The following PHKB variants were observed in gnomAD, a reference collection of about 807,000 sequenced individuals.
The protein encoded by PHKB is phosphorylase b kinase regulatory subunit beta.
A neutral mutation model predicts 152.1 loss-of-function variants in PHKB; 122 were observed. The observed-to-expected ratio is 0.80, with a 90% CI of 0.69 to 0.93. The LOEUF is 0.93. Ranked by LOEUF, PHKB falls within the 40% of genes least tolerant of loss-of-function variation. The probability of loss-of-function intolerance (pLI) is 0.00; values close to 1 mark genes in which losing one functional copy is unlikely to be tolerated. For missense variants in PHKB, 1,304 were observed against 1,328.4 expected (o/e 0.98, Z 0.29); for synonymous variants, 436 against 464.9 (o/e 0.94, Z 0.80).
chr16:47,660,700 C>T lies in PHKB; in HGVS notation c.2077C>T (p.His693Tyr), dbSNP rs939437583. Residue 693 changes from histidine (H) to tyrosine (Y), a missense_variant, in exon 22 of 31, where the codon CAT (histidine) becomes TAT (tyrosine). Transcript: ENST00000323584. ...TTTTGAGGAACTAGAACCTCCCAAA[C>T]ATTCAAAAGTCAAACGGCAAAGCAG... ...KSFEELEPPKHSKVKRQSSTP... is the reference protein window; with the variant it reads ...KSFEELEPPKYSKVKRQSSTP... The T allele has an allele frequency of 2.5e-6, 4 of 1,614,004 alleles. No homozygotes were observed. Among genetic ancestry groups the T allele is most frequent in the Non-Finnish European group, 3.4e-6 (4 of 1,179,976 alleles).
intron 8 of PHKB, among the ~76,000 whole-genome samples, chr16:47,584,859 A>G (rs1358570978): frequency 6.6e-6 from 1 of 152,200 alleles, no homozygotes; most frequent in Non-Finnish European, 1.5e-5. Flanking sequence ...TCAGGCTCTG[A>G]GAAGTGATTA....
chr16:47,643,546 T>A (rs773640212), intron 16 of PHKB, among the ~76,000 whole-genome samples: 2 of 152,218 alleles, frequency 1.3e-5, no homozygotes, highest in Non-Finnish European at 2.9e-5. Flanking sequence ...GAGCCAACCT[T>A]CCTGTGCATG....
intron 13 of PHKB, among the ~76,000 whole-genome samples, chr16:47,608,212 A>T (rs1271588017): frequency 6.6e-6 from 1 of 151,948 alleles, no homozygotes; most frequent in African/African-American, 2.4e-5. Flanking sequence ...TTATCTCTTT[A>T]CTTCTTTTAT....
In PHKB at chr16:47,596,365, C is replaced by T. The variant is rs752369996; in HGVS notation, c.1205-8C>T. ...TATATTTTAAATACTTATTTTTAAA[C>T]TCCATAGGATATCCTGTTGTACCAA... On this transcript the variant is annotated splice_polypyrimidine_tract_variant and splice_region_variant and intron_variant, in intron 12 of 30. Coordinates refer to ENST00000323584, the MANE Select transcript of PHKB (RefSeq NM_000293.3). 13 of 1,576,016 alleles carry T rather than the reference C, an allele frequency of 8.2e-6. No homozygotes were observed. The Admixed American group carries it at 2.2e-4, about 26-fold the overall frequency.
chr16:47,482,065 A>C (rs528802661), intron 1 of PHKB, among the ~76,000 whole-genome samples: 1 of 152,370 alleles, frequency 6.6e-6, no homozygotes, highest in African/African-American at 2.4e-5. Context: ...CTAAAGAATG[A>C]AAGCTGGCTT....
chr16:47,658,081 T>C (rs1382145555), intron 20 of PHKB, among the ~76,000 whole-genome samples: 2 of 151,946 alleles, frequency 1.3e-5, no homozygotes, highest in Non-Finnish European at 2.9e-5. Context: ...GAAACCAGAG[T>C]TCTTCAAATG....
At chr16:47,646,621 A>G (rs1973133331) in intron 16 of PHKB, among the ~76,000 whole-genome samples, 2 of 151,176 alleles carry the variant, frequency 1.3e-5, no homozygotes, top group Admixed American at 6.6e-5. Context: ...GTCATTAAAT[A>G]TATTAGAAAA....
intron 6 of PHKB, among the ~76,000 whole-genome samples, chr16:47,541,964 G>A (rs1971067772): frequency 6.6e-6 from 1 of 152,086 alleles, no homozygotes; most frequent in South Asian, 2.1e-4. Context: ...TACTCTGATG[G>A]TAGTTTCTTT....
intron 29 of PHKB, among the ~76,000 whole-genome samples, chr16:47,697,377 G>C (rs1974166109): frequency 6.6e-6 from 1 of 152,176 alleles, no homozygotes; most frequent in Admixed American, 6.5e-5. Flanking sequence ...AGGCAGACTG[G>C]GTCGTGAAAA....
intron 6 of PHKB, among the ~76,000 whole-genome samples, chr16:47,532,774 C>T (rs1214819799): frequency 2.0e-5 from 3 of 152,206 alleles, no homozygotes; most frequent in Non-Finnish European, 4.4e-5. Context: ...CTGGGCTCCC[C>T]AAAGGGCCAC....
chr16:47,497,576 G>A (rs983073920), intron 2 of PHKB, 88 bp downstream of exon 2: 9 of 801,066 alleles, frequency 1.1e-5, no homozygotes, highest in Non-Finnish European at 1.9e-5. Flanking sequence ...TTATGTGGAT[G>A]ATATTGTTCT....
At chr16:47,568,782 A>G (rs985051957) in intron 7 of PHKB, among the ~76,000 whole-genome samples, 63 of 152,322 alleles carry the variant, frequency 4.1e-4, no homozygotes, top group African/African-American at 1.5e-3. Flanking sequence ...TGTTGACTCA[A>G]AAATCATTCA....
intron 25 of PHKB, among the ~76,000 whole-genome samples, chr16:47,668,820 T>G (rs1050882885): frequency 6.6e-6 from 1 of 152,186 alleles, no homozygotes; most frequent in African/African-American, 2.4e-5. Flanking sequence ...AATCAAAAAG[T>G]TTATCTCTCA....
intron 14 of PHKB, among the ~76,000 whole-genome samples, chr16:47,630,617 G>A (rs536361580): frequency 6.6e-6 from 1 of 152,186 alleles, no homozygotes; most frequent in Non-Finnish European, 1.5e-5. Flanking sequence ...CCCCATGAAT[G>A]TAGCATGTTC....
At chr16:47,659,482 A>G (rs1817883615) in intron 20 of PHKB, among the ~76,000 whole-genome samples, 3 of 152,196 alleles carry the variant, frequency 2.0e-5, no homozygotes, top group South Asian at 2.1e-4. Flanking sequence ...CTGACAATTC[A>G]TCAGATAATT....
intron 26 of PHKB, among the ~76,000 whole-genome samples, chr16:47,684,590 C>T (rs1053719607): frequency 6.6e-6 from 1 of 151,978 alleles, no homozygotes; most frequent in Non-Finnish European, 1.5e-5. Flanking sequence ...CACAGTGAAA[C>T]CCCGTCTCTA....
intron 28 of PHKB, among the ~76,000 whole-genome samples, chr16:47,695,795 T>C (rs968727703): frequency 3.9e-5 from 6 of 152,224 alleles, no homozygotes; most frequent in African/African-American, 1.4e-4. Flanking sequence ...CTGCTTTCAT[T>C]TGGATTGTGA....
At chr16:47,693,571 C>G (rs928384268) in intron 28 of PHKB, 64 bp downstream of exon 28, 8 of 1,523,890 alleles carry the variant, frequency 5.2e-6, no homozygotes, top group Non-Finnish European at 7.3e-6. Flanking sequence ...ATCCTTTCCT[C>G]TTGCACTGCA....
At chr16:47,462,595 C>A (rs2151624068) in intron 1 of PHKB, 1 of 151,908 alleles carries the variant, frequency 6.6e-6, no homozygotes, top group East Asian at 1.9e-4. Context: ...GGTCGCACCA[C>A]TGCACTCCAG....
Sources: gnomAD v4.1 joint callset for allele counts (sites outside exome capture counted in the v4.1 genomes callset) on GRCh38, gnomAD v4.1.1 for gene constraint, MANE v1.5 for transcripts, NCBI Gene and HGNC (gene_info 2026-07-23, HGNC 2026-07-21) for gene names.